DGKH: variants seen among roughly 807,000 people sequenced by gnomAD.
The protein encoded by DGKH is DAG kinase eta.
Under a neutral mutation model 159.3 loss-of-function variants are expected in DGKH, and 90 were observed. That is an observed-to-expected ratio of 0.57 (90% CI 0.48 to 0.67). The LOEUF is 0.67. DGKH is among the 30% of genes least tolerant of loss of function. The pLI is 0.00. For synonymous variants in DGKH, 536 were observed against 553.8 expected (o/e 0.97, Z 0.45); for missense variants, 1,181 against 1,506.1 (o/e 0.78, Z 3.57).
chr13:42,207,127 TTCCTTCCTTCC>T (rs1566192555), intron 21 of DGKH, among the ~76,000 whole-genome samples: 9,018 of 58,024 alleles, frequency 0.16, 1,397 homozygotes, highest in Non-Finnish European at 0.18. Context: ...TTCTCTCTCC[TTCCTTCCTTCC>T]TTCCTTCCTT....
At chr13:42,125,256 T>C (rs1248036645) in intron 1 of DGKH, among the ~76,000 whole-genome samples, 1 of 152,214 alleles carries the variant, frequency 6.6e-6, no homozygotes, top group Non-Finnish European at 1.5e-5. Flanking sequence ...ACTTATTTAC[T>C]TCTTACAAGA....
chr13:42,070,150 G>C, intron 1 of DGKH: 1 of 913,326 alleles, frequency 1.1e-6, no homozygotes, highest in African/African-American at 1.6e-5. Flanking sequence ...GCTCATGTAA[G>C]GATGGGAGAG....
intron 23 of DGKH, among the ~76,000 whole-genome samples, chr13:42,210,306 A>G (rs1957618339): frequency 6.6e-6 from 1 of 152,058 alleles, no homozygotes; most frequent in Admixed American, 6.6e-5. Flanking sequence ...TAATTAAAAA[A>G]AAAATCTTTT....
chr13:42,085,528 A>G lies in DGKH; in HGVS notation c.192+36563A>G, dbSNP rs187235331. 9.2e-5 allele frequency among the ~76,000 whole-genome samples: 14 copies of G among 152,354 alleles called. No individual in the cohort carries two copies. The East Asian group carries it at 2.7e-3, about 29-fold the overall frequency. ...CAATAAGGCTGCTATGATATGGCAG[A>G]CCTACACTGTGAAATGTTAAAAGAA... On this transcript the variant is annotated intron_variant, in intron 1 of 29. Transcript: ENST00000337343.
intron 3 of DGKH, among the ~76,000 whole-genome samples, chr13:42,130,967 A>G (rs780056626): frequency 2.0e-5 from 3 of 151,860 alleles, no homozygotes; most frequent in Admixed American, 6.6e-5. Flanking sequence ...ACCAAGCAGA[A>G]GAGAGTTTCA....
At chr13:42,130,047 C>T (rs1051933590) in intron 3 of DGKH, among the ~76,000 whole-genome samples, 4 of 152,228 alleles carry the variant, frequency 2.6e-5, no homozygotes, top group African/African-American at 9.6e-5. Context: ...GTTCAGGTCA[C>T]TTCTCACTTA....
intron 1 of DGKH, among the ~76,000 whole-genome samples, chr13:42,106,536 AG>A (rs1954760958): frequency 6.6e-6 from 1 of 152,230 alleles, no homozygotes. Flanking sequence ...CAATGAAAAA[AG>A]TCTACTCTTT....
chr13:42,163,324 C>T (rs1481202837), intron 7 of DGKH, among the ~76,000 whole-genome samples: 6 of 152,064 alleles, frequency 3.9e-5, no homozygotes, highest in Non-Finnish European at 5.9e-5. Flanking sequence ...AATAAACATA[C>T]GTGTGCATGT....
intron 1 of DGKH, among the ~76,000 whole-genome samples, chr13:42,108,249 G>T (rs962043919): frequency 6.6e-6 from 1 of 152,108 alleles, no homozygotes; most frequent in Admixed American, 6.5e-5. Flanking sequence ...CTGGGCACAG[G>T]AGCAAAAAGG....
exon 31 of DGKH, chr13:42,256,307 G>T: frequency 6.3e-7 from 1 of 1,595,984 alleles, no homozygotes; most frequent in Non-Finnish European, 8.6e-7. Flanking sequence ...AAACTGCGTG[G>T]TGGGAATCCA....
intron 14 of DGKH, among the ~76,000 whole-genome samples, chr13:42,187,891 C>G (rs1956970563): frequency 6.6e-6 from 1 of 152,122 alleles, no homozygotes; most frequent in African/African-American, 2.4e-5. Flanking sequence ...AGATTTCTTT[C>G]CCCCTTTATA....
At chr13:42,162,800 A>G (rs1956217878) in intron 7 of DGKH, among the ~76,000 whole-genome samples, 1 of 151,650 alleles carries the variant, frequency 6.6e-6, no homozygotes, top group Non-Finnish European at 1.5e-5. Context: ...GTGAAACTCC[A>G]TGTCAAAACA....
At chr13:42,191,805 T>C (rs2138118644) in intron 16 of DGKH, among the ~76,000 whole-genome samples, 1 of 152,300 alleles carries the variant, frequency 6.6e-6, no homozygotes, top group East Asian at 1.9e-4. Context: ...ACTTAATAAG[T>C]AAAAGAAAGG....
At chr13:42,200,496 T>G (rs1957322163) in intron 20 of DGKH, among the ~76,000 whole-genome samples, 2 of 152,206 alleles carry the variant, frequency 1.3e-5, no homozygotes, top group African/African-American at 4.8e-5. Flanking sequence ...TTAATTTCTG[T>G]GAATTTTATT....
intron 1 of DGKH, among the ~76,000 whole-genome samples, chr13:42,125,017 T>C (rs1232373248): frequency 6.6e-6 from 1 of 152,150 alleles, no homozygotes; most frequent in Non-Finnish European, 1.5e-5. Context: ...CCTCCCCTAG[T>C]CTAAGGCAGT....
At chr13:42,110,506 CAT>C (rs1172100274) in intron 1 of DGKH, among the ~76,000 whole-genome samples, 1 of 152,128 alleles carries the variant, frequency 6.6e-6, no homozygotes, top group African/African-American at 2.4e-5. Flanking sequence ...ATCAAAATGT[CAT>C]GTGTGGGCAA....
chr13:42,142,896 C>T (rs925706962), intron 3 of DGKH, among the ~76,000 whole-genome samples: 8 of 152,186 alleles, frequency 5.3e-5, no homozygotes, highest in Admixed American at 2.0e-4. Flanking sequence ...ATTTCCTTCT[C>T]CTGCCTAATT....
At chr13:42,042,151 C>A (rs546051982) in intron 1 of DGKH, among the ~76,000 whole-genome samples, 1 of 152,318 alleles carries the variant, frequency 6.6e-6, no homozygotes, top group East Asian at 1.9e-4. Flanking sequence ...CTTGTTTCTT[C>A]CATTGTGGTT....
chr13:42,142,414 T>C (rs1381827511), intron 3 of DGKH, among the ~76,000 whole-genome samples: 1 of 151,116 alleles, frequency 6.6e-6, no homozygotes, highest in Non-Finnish European at 1.5e-5. Context: ...TTAAAGTCGT[T>C]TTTTCCAATT....
Sources: allele counts gnomAD v4.1 joint callset (sites outside exome capture counted in the v4.1 genomes callset), GRCh38; gene constraint gnomAD v4.1.1; transcripts MANE v1.5; gene names NCBI Gene and HGNC (gene_info 2026-07-23, HGNC 2026-07-21).